The following EMSY variants were observed in gnomAD, a reference collection of about 807,000 sequenced individuals.
The protein encoded by EMSY is EMSY transcriptional repressor, BRCA2 interacting, also known as BRCA2-interacting transcriptional repressor EMSY.
Under a neutral mutation model 134.6 loss-of-function variants are expected in EMSY, and 26 were observed. That is an observed-to-expected ratio of 0.19 (90% CI 0.14 to 0.27). The LOEUF is 0.27. Among genes scored for constraint, EMSY ranks in the 10% least tolerant of loss-of-function variants. EMSY has a pLI of 1.00. For missense variants in EMSY, 1,305 were observed against 1,611.4 expected (o/e 0.81, Z 3.26); for synonymous variants, 579 against 577.8 (o/e 1.00, Z -0.03).
At chr11:76,473,285 C>T (rs994834705) in intron 8 of EMSY, among the ~76,000 whole-genome samples, 4 of 151,890 alleles carry the variant, frequency 2.6e-5, no homozygotes, top group Admixed American at 1.3e-4. Flanking sequence ...GCTTTTTCTT[C>T]AGTCTCCTAC....
At chr11:76,475,186 G>A (rs576153918) in intron 8 of EMSY, among the ~76,000 whole-genome samples, 14 of 152,134 alleles carry the variant, frequency 9.2e-5, no homozygotes, top group Middle Eastern at 3.2e-3. Context: ...CTCCTCACTC[G>A]ACTGATCCGT....
intron 4 of EMSY, among the ~76,000 whole-genome samples, chr11:76,454,133 TA>T: frequency 6.6e-6 from 1 of 152,330 alleles, no homozygotes; most frequent in South Asian, 2.1e-4. Flanking sequence ...ATTTGTTTTT[TA>T]TTTTTATGTT....
chr11:76,514,257 C>G (rs572326258), intron 10 of EMSY, among the ~76,000 whole-genome samples: 1 of 152,034 alleles, frequency 6.6e-6, no homozygotes, highest in Non-Finnish European at 1.5e-5. Context: ...AGAAAGTCCC[C>G]GGCATAGTGC....
At chr11:76,487,337 A>T (rs1426852008) in intron 8 of EMSY, among the ~76,000 whole-genome samples, 1 of 152,218 alleles carries the variant, frequency 6.6e-6, no homozygotes, top group Admixed American at 6.5e-5. Flanking sequence ...AAAACAGGAT[A>T]CAGTAGCCTT....
intron 8 of EMSY, among the ~76,000 whole-genome samples, chr11:76,473,349 C>T (rs1243572308): frequency 2.0e-5 from 3 of 151,848 alleles, no homozygotes; most frequent in Non-Finnish European, 2.9e-5. Context: ...CTCTGTCACC[C>T]AGGCTGGAGT....
intron 8 of EMSY, among the ~76,000 whole-genome samples, chr11:76,495,343 A>G (rs1455820203): frequency 6.6e-6 from 1 of 152,244 alleles, no homozygotes; most frequent in Non-Finnish European, 1.5e-5. Context: ...TTGTATCAGC[A>G]GTGCTTAAAA....
At chr11:76,483,330 A>G (rs1250180701) in intron 8 of EMSY, among the ~76,000 whole-genome samples, 1 of 152,254 alleles carries the variant, frequency 6.6e-6, no homozygotes, top group African/African-American at 2.4e-5. Flanking sequence ...TGACACTATG[A>G]AGAAACTGTA....
At chr11:76,546,402 G>A (rs755286358) in intron 20 of EMSY, 105 bp downstream of exon 21, 45 of 1,407,182 alleles carry the variant, frequency 3.2e-5, no homozygotes, top group Non-Finnish European at 4.0e-5. Context: ...AAGACAGCAG[G>A]AAGACATAGA....
intron 8 of EMSY, among the ~76,000 whole-genome samples, chr11:76,484,585 C>T (rs746544387): frequency 6.6e-6 from 1 of 152,124 alleles, no homozygotes; most frequent in Non-Finnish European, 1.5e-5. Context: ...ACTGATCCCA[C>T]AGAAATACGA....
intron 9 of EMSY, among the ~76,000 whole-genome samples, chr11:76,509,660 G>T (rs1950204596): frequency 6.6e-6 from 1 of 152,076 alleles, no homozygotes; most frequent in Admixed American, 6.5e-5. Context: ...AAGATACATT[G>T]TTAAAGGTGG....
At position 76,523,302 on chromosome 11, in the gene EMSY, G is replaced by C; in HGVS notation, c.1821+11G>C. ...TTGCTAAATGCTGGAGTAAGTGAGAGCTTCAACTGCAGACTTAGCAATTCA... is the reference window on the plus strand; with the variant it reads ...TTGCTAAATGCTGGAGTAAGTGAGACCTTCAACTGCAGACTTAGCAATTCA... On this transcript the variant is annotated intron_variant, in intron 12 of 20. Coordinates refer to ENST00000334736, the Ensembl canonical transcript of EMSY. 1.2e-6 allele frequency: 2 copies of C among 1,605,928 alleles called. No individual in the cohort carries two copies. The highest frequency in any genetic ancestry group is 1.7e-6 in the Non-Finnish European group (2 of 1,177,366).
intron 8 of EMSY, among the ~76,000 whole-genome samples, chr11:76,488,461 T>C (rs1329177154): frequency 6.6e-6 from 1 of 151,922 alleles, no homozygotes; most frequent in Non-Finnish European, 1.5e-5. Context: ...AAGAAGACTG[T>C]CTCAAAAACA....
intron 14 of EMSY, among the ~76,000 whole-genome samples, chr11:76,528,827 A>G (rs1464877592): frequency 6.6e-6 from 1 of 152,108 alleles, no homozygotes; most frequent in Non-Finnish European, 1.5e-5. Flanking sequence ...GTGAATATAT[A>G]TTTTGAAATG....
At chr11:76,528,512 G>A in intron 14 of EMSY, 46 bp downstream of exon 15, 1 of 1,419,262 alleles carries the variant, frequency 7.0e-7, no homozygotes, top group Non-Finnish European at 9.7e-7. Flanking sequence ...TACTGACATA[G>A]TGCCCAAATT....
chr11:76,518,926 AT>A (rs1950552842), intron 11 of EMSY, among the ~76,000 whole-genome samples: 1 of 151,006 alleles, frequency 6.6e-6, no homozygotes. Context: ...TACATAAATT[AT>A]TTTGTGGAAT....
At chr11:76,511,363 G>T (rs1240023675) in intron 9 of EMSY, among the ~76,000 whole-genome samples, 1 of 151,990 alleles carries the variant, frequency 6.6e-6, no homozygotes, top group African/African-American at 2.4e-5. Context: ...TTTTTTCTCT[G>T]TGTGCTTATT....
intron 10 of EMSY, 72 bp downstream of exon 11, chr11:76,513,607 T>G (rs1339815279): frequency 6.6e-7 from 1 of 1,509,440 alleles, no homozygotes; most frequent in African/African-American, 1.4e-5. Context: ...ACCAGCAATA[T>G]GCTTGACACT....
chr11:76,465,602 TA>T lies in EMSY; in HGVS notation c.831+1535del, dbSNP rs58807004. On this transcript the variant is annotated intron_variant, in intron 7 of 20. Transcript: ENST00000334736. The stretch of plus-strand genomic sequence containing the variant: ...AACTCTTTTTCTCTCAAAGTTCCTT[TA>T]AAAAAAAAAAAAGCATCCTACTCTT... Among the ~76,000 whole-genome samples the T allele has an allele frequency of 6.2e-3, 881 of 142,846 alleles. 1 individual carries two copies. Among genetic ancestry groups the T allele is most frequent in the African/African-American group, 0.012 (477 of 39,234 alleles). The allele number at this position is 142,846 out of a possible 152,430, so 93.7% of individuals were successfully genotyped here.
exon 18 of EMSY, chr11:76,542,219 G>A (rs2136687697): frequency 6.2e-7 from 1 of 1,614,148 alleles, no homozygotes; most frequent in South Asian, 1.1e-5. Context: ...TTTTCAGTCA[G>A]CCATCGCTCC....
Sources: gnomAD v4.1 joint callset for allele counts (sites outside exome capture counted in the v4.1 genomes callset) on GRCh38, gnomAD v4.1.1 for gene constraint, MANE v1.5 for transcripts, NCBI Gene and HGNC (gene_info 2026-07-23, HGNC 2026-07-21) for gene names.